The following PADI6 variants were observed in gnomAD, a reference collection of about 807,000 sequenced individuals.
PADI6 encodes the protein peptidyl arginine deiminase 6.
In PADI6, 66 loss-of-function variants were observed where a neutral mutation model predicts 78.2. That is an observed-to-expected ratio of 0.84 (90% CI 0.69 to 1.04). The LOEUF is 1.04. Among genes scored for constraint, PADI6 ranks in the 50% least tolerant of loss-of-function variants. The pLI is 0.00. For synonymous variants in PADI6, 397 were observed against 346.9 expected, an observed-to-expected ratio of 1.14 and a Z score of -1.60; for missense variants, 854 against 866.1, an observed-to-expected ratio of 0.99 and a Z score of 0.18.
Position 17,389,291 on chromosome 1 carries a change from T to TAA in PADI6, c.962+412_962+413insAA, listed in dbSNP as rs1421675074. 3.7e-4 allele frequency among the ~76,000 whole-genome samples: 57 copies of TAA among 152,212 alleles called. 2 individuals are homozygous for TAA. Among genetic ancestry groups the TAA allele is most frequent in the Admixed American group, 3.4e-3 (52 of 15,296 alleles). The stretch of plus-strand genomic sequence containing the variant: ...GCAGAGCCCTGTGGGCCCTGGGTGT[T>TAA]ACGGTGAGGTAGCTGGGGCCATACC... On this transcript the variant is annotated intron_variant, in intron 8 of 15. Coordinates refer to ENST00000619609, the MANE Select transcript of PADI6 (RefSeq NM_207421.4).
chr1:17,394,554 C>A, intron 11 of PADI6, 100 bp downstream of exon 11: 2 of 1,280,452 alleles, frequency 1.6e-6, no homozygotes, highest in Non-Finnish European at 2.1e-6. Context: ...GTCACACACA[C>A]TGGACCATTT....
At chr1:17,386,479 C>T (rs539176980) in intron 6 of PADI6, among the ~76,000 whole-genome samples, 4 of 152,294 alleles carry the variant, frequency 2.6e-5, no homozygotes, top group African/African-American at 9.6e-5. Context: ...AGGAGCAGGC[C>T]CTAGGTGTGT....
intron 6 of PADI6, among the ~76,000 whole-genome samples, chr1:17,387,837 A>G (rs1472379670): frequency 6.6e-6 from 1 of 152,314 alleles, no homozygotes; most frequent in African/African-American, 2.4e-5. Flanking sequence ...ATGGTTTTGT[A>G]TTTAATGACC....
intron 11 of PADI6, 65 bp downstream of exon 11, chr1:17,394,519 C>A (rs1570148193): frequency 6.5e-7 from 1 of 1,536,278 alleles, no homozygotes; most frequent in East Asian, 2.3e-5. Flanking sequence ...CCTGGCCCCG[C>A]CTGCTTCCCA....
intron 4 of PADI6, 67 bp from the exon 5 acceptor site, chr1:17,380,979 AG>A: frequency 7.5e-7 from 1 of 1,325,896 alleles, no homozygotes; most frequent in Non-Finnish European, 1.1e-6. Flanking sequence ...CTCTGCTATG[AG>A]GTGCATCCGA....
intron 6 of PADI6, among the ~76,000 whole-genome samples, chr1:17,383,711 C>T (rs1374024086): frequency 6.7e-6 from 1 of 149,436 alleles, no homozygotes; most frequent in Non-Finnish European, 1.5e-5. Context: ...GGCATGGTGG[C>T]GGGCATGCCC....
chr1:17,384,386 G>T (rs569156675), intron 6 of PADI6, among the ~76,000 whole-genome samples: 7 of 152,208 alleles, frequency 4.6e-5, no homozygotes, highest in African/African-American at 1.7e-4. Context: ...TTGGGCACAG[G>T]AGTTCAAGAC....
At chr1:17,376,425 G>A (rs1456744446) in intron 3 of PADI6, among the ~76,000 whole-genome samples, 3 of 151,692 alleles carry the variant, frequency 2.0e-5, no homozygotes, top group East Asian at 3.9e-4. Context: ...TCAGCCTCCC[G>A]AGTAGCTGGG....
intron 4 of PADI6, among the ~76,000 whole-genome samples, chr1:17,380,194 G>GT (rs113168303): frequency 0.012 from 1,848 of 151,068 alleles, 40 homozygotes; most frequent in African/African-American, 0.04. Flanking sequence ...GTATTTTTTT[G>GT]TTTTTTTTTG....
intron 5 of PADI6, among the ~76,000 whole-genome samples, chr1:17,381,392 T>G (rs2075071610): frequency 1.3e-5 from 2 of 152,208 alleles, no homozygotes; most frequent in Admixed American, 1.3e-4. Context: ...GTTTCCTAGC[T>G]GTGAACTTGA....
At chr1:17,393,183 TGAA>T (rs200909455) in intron 9 of PADI6, among the ~76,000 whole-genome samples, 1,656 of 151,998 alleles carry the variant, frequency 0.011, 8 homozygotes, top group Non-Finnish European at 0.016. Flanking sequence ...TTGGAGGTCT[TGAA>T]GAAGGCTGAT....
chr1:17,391,969 G>A (rs2075189283), intron 8 of PADI6, 145 bp from the exon 9 acceptor site: 2 of 646,836 alleles, frequency 3.1e-6, no homozygotes, highest in South Asian at 1.9e-5. Context: ...CCGAGGTCAG[G>A]GATGGTTGCT....
intron 6 of PADI6, 41 bp from the exon 7 acceptor site, chr1:17,388,339 AG>A (rs780021606): frequency 8.3e-5 from 128 of 1,540,608 alleles, no homozygotes; most frequent in Non-Finnish European, 1.1e-4. Context: ...GACCGGCACC[AG>A]GTTACTTCAG....
rs201174737 is a variant in PADI6, at chr1:17,381,965, A to T, written c.554-2A>T. ...TTAACCTTTGCTTTGTCTTTTGCCC[A>T]GAAATAACGAATCTGTCCCAGATGA... On this transcript the variant is annotated splice_acceptor_variant, in intron 5 of 15. Coordinates refer to ENST00000619609, the MANE Select transcript of PADI6 (RefSeq NM_207421.4). LOFTEE classifies it high-confidence loss of function. 450 of 1,613,672 alleles carry T rather than the reference A, an allele frequency of 2.8e-4. No homozygotes were observed. Among genetic ancestry groups the T allele is most frequent in the Non-Finnish European group, 3.7e-4 (440 of 1,179,768 alleles).
rs1460390883 is a variant in PADI6 at position 17,394,397 on chromosome 1, T to C, written c.1280T>C (p.Val427Ala). 1 of 1,613,692 alleles carries C rather than the reference T, an allele frequency of 6.2e-7. No individual in the cohort carries two copies. Among genetic ancestry groups the C allele is most frequent in the Admixed American group, 1.7e-5 (1 of 59,968 alleles). Residue 427 changes from valine (V) to alanine (A), a missense_variant, in exon 11 of 16, where the codon GTC becomes GCC. By Grantham distance (64) the Val-to-Ala change is moderately conservative. Transcript: ENST00000619609. The part of the protein sequence containing the change: ...GNLMVSPPVK[V>A]QGKEYPLGRV... ...CTGATGGTGTCCCCACCTGTCAAGG[T>C]CCAAGGGAAAGAGTACCCGCTGGGC...
At chr1:17,375,134 A>G (rs1415459044) in intron 2 of PADI6, among the ~76,000 whole-genome samples, 1 of 152,114 alleles carries the variant, frequency 6.6e-6, no homozygotes, top group African/African-American at 2.4e-5. Flanking sequence ...TCCCTTTGGG[A>G]TAAGTCCCTT....
intron 11 of PADI6, 129 bp from the exon 12 acceptor site, chr1:17,394,822 C>A (rs757316300): frequency 1.8e-6 from 2 of 1,123,336 alleles, no homozygotes; most frequent in African/African-American, 1.6e-5. Flanking sequence ...CCAACACATC[C>A]GCTATGGACC....
intron 10 of PADI6, 90 bp downstream of exon 10, chr1:17,394,172 G>T: frequency 1.3e-6 from 2 of 1,526,156 alleles, no homozygotes; most frequent in South Asian, 1.1e-5. Flanking sequence ...AGTGGGGAGA[G>T]GGCCCAGGTG....
chr1:17,380,560 G>A (rs1215102578), intron 4 of PADI6, among the ~76,000 whole-genome samples: 1 of 152,082 alleles, frequency 6.6e-6, no homozygotes, highest in Non-Finnish European at 1.5e-5. Context: ...TAGTAGAGAC[G>A]AGGTTTCACT....
Sources: gnomAD v4.1 joint callset for allele counts (sites outside exome capture counted in the v4.1 genomes callset) on GRCh38, gnomAD v4.1.1 for gene constraint, MANE v1.5 for transcripts, NCBI Gene and HGNC (gene_info 2026-07-23, HGNC 2026-07-21) for gene names.